Variants in CNTNAP2 observed in about 807,000 individuals in gnomAD.
The protein encoded by CNTNAP2 is contactin associated protein 2, also known as contactin-associated protein-like 2.
In CNTNAP2, 98 loss-of-function variants were observed where a neutral mutation model predicts 155.2. The ratio of observed to expected loss-of-function variants is 0.63; its 90% CI spans 0.54 to 0.75. CNTNAP2 has a LOEUF of 0.75. CNTNAP2 is among the 30% of genes least tolerant of loss of function. CNTNAP2 has a pLI of 0.00. For missense variants in CNTNAP2, 1,727 were observed against 1,688.1 expected (o/e 1.02, Z -0.40); for synonymous variants, 651 against 631.2 (o/e 1.03, Z -0.47).
chr7:147,394,088 G>A (rs1320085956), intron 9 of CNTNAP2, among the ~76,000 whole-genome samples: 1 of 151,980 alleles, frequency 6.6e-6, no homozygotes, highest in African/African-American at 2.4e-5. Context: ...TCATGGGAGA[G>A]ACCCACTGGG....
At chr7:146,750,670 G>T (rs1446963949) in intron 1 of CNTNAP2, among the ~76,000 whole-genome samples, 2 of 152,178 alleles carry the variant, frequency 1.3e-5, no homozygotes, top group Non-Finnish European at 2.9e-5. Context: ...GACCTCAGTA[G>T]TGTCTCATTG....
intron 4 of CNTNAP2, among the ~76,000 whole-genome samples, chr7:147,090,562 C>T (rs545872568): frequency 1.3e-5 from 2 of 151,920 alleles, no homozygotes; most frequent in Non-Finnish European, 2.9e-5. Flanking sequence ...TTTTAATGTT[C>T]TAGAATTAAA....
At chr7:147,044,486 C>G (rs1340158140) in intron 4 of CNTNAP2, among the ~76,000 whole-genome samples, 1 of 152,160 alleles carries the variant, frequency 6.6e-6, no homozygotes, top group South Asian at 2.1e-4. Flanking sequence ...CTAAGTATCT[C>G]TCTTCAGTTA....
rs933703701 is a variant in CNTNAP2, at chr7:146,574,294, A to C, written c.98-199977A>C. Among the ~76,000 whole-genome samples, 6 of 152,308 alleles carry C rather than the reference A, an allele frequency of 3.9e-5. No individual in the cohort carries two copies. In the East Asian group the frequency reaches 9.7e-4, roughly 25 times the overall value. ...TTTTTGTTTTGTTTTATTACCATAC[A>C]CACACGTTCACGCACACATAGAGCA... On this transcript the variant is annotated intron_variant, in intron 1 of 23. Transcript: ENST00000361727.
intron 11 of CNTNAP2, among the ~76,000 whole-genome samples, chr7:147,552,129 C>T (rs1380804795): frequency 6.6e-6 from 1 of 152,138 alleles, no homozygotes; most frequent in African/African-American, 2.4e-5. Flanking sequence ...ATCTAAAAGT[C>T]TTCCCACTGT....
chr7:148,007,832 G>A (rs1329321435), intron 15 of CNTNAP2, among the ~76,000 whole-genome samples: 3 of 152,076 alleles, frequency 2.0e-5, no homozygotes, highest in African/African-American at 7.2e-5. Flanking sequence ...AAAATGTCTA[G>A]GTCTTATGCA....
intron 1 of CNTNAP2, among the ~76,000 whole-genome samples, chr7:146,278,193 A>G (rs1800194414): frequency 6.6e-6 from 1 of 152,172 alleles, no homozygotes; most frequent in African/African-American, 2.4e-5. Flanking sequence ...CTTCAAAGTT[A>G]CTAACTCAAG....
chr7:147,713,744 T>G (rs183650296), intron 13 of CNTNAP2, among the ~76,000 whole-genome samples: 265 of 152,284 alleles, frequency 1.7e-3, no homozygotes, highest in African/African-American at 5.9e-3. Flanking sequence ...TGTAGCGTTT[T>G]GTTTTTAGAC....
At chr7:147,009,405 TAGC>T (rs1169021417) in intron 3 of CNTNAP2, among the ~76,000 whole-genome samples, 1 of 152,152 alleles carries the variant, frequency 6.6e-6, no homozygotes, top group African/African-American at 2.4e-5. Context: ...TATTATATGG[TAGC>T]AGTTTGACAA....
intron 1 of CNTNAP2, among the ~76,000 whole-genome samples, chr7:146,608,581 C>G (rs1243062284): frequency 6.6e-6 from 1 of 151,990 alleles, no homozygotes; most frequent in Non-Finnish European, 1.5e-5. Flanking sequence ...ATGTATTTCT[C>G]CTCATATTTC....
At chr7:147,912,212 G>C (rs1393694184) in intron 14 of CNTNAP2, among the ~76,000 whole-genome samples, 2 of 150,898 alleles carry the variant, frequency 1.3e-5, no homozygotes, top group African/African-American at 2.5e-5. Flanking sequence ...ACTCATAAGG[G>C]AGAAGGCACA....
intron 3 of CNTNAP2, among the ~76,000 whole-genome samples, chr7:146,869,945 T>C (rs1585130526): frequency 6.6e-6 from 1 of 152,202 alleles, no homozygotes; most frequent in East Asian, 1.9e-4. Context: ...CCTTCAATGA[T>C]CAAGTTGACA....
At chr7:146,169,259 C>T (rs1798355569) in intron 1 of CNTNAP2, among the ~76,000 whole-genome samples, 1 of 152,018 alleles carries the variant, frequency 6.6e-6, no homozygotes, top group Non-Finnish European at 1.5e-5. Flanking sequence ...GAATGTAAGC[C>T]ACATATTAGG....
At chr7:146,395,776 AGAT>A (rs199998130) in intron 1 of CNTNAP2, among the ~76,000 whole-genome samples, 17,323 of 68,786 alleles carry the variant, frequency 0.25, 1,105 homozygotes, top group African/African-American at 0.44. Flanking sequence ...CTAGATAGAC[AGAT>A]GATAGATAGA....
intron 1 of CNTNAP2, among the ~76,000 whole-genome samples, chr7:146,551,341 A>G (rs1489813583): frequency 6.6e-6 from 1 of 151,334 alleles, no homozygotes; most frequent in Non-Finnish European, 1.5e-5. Flanking sequence ...TCCTGTGTCC[A>G]TGTGTTCTTA....
At chr7:147,950,247 T>C (rs1183362462) in intron 14 of CNTNAP2, among the ~76,000 whole-genome samples, 6 of 151,488 alleles carry the variant, frequency 4.0e-5, no homozygotes, top group Non-Finnish European at 8.8e-5. Context: ...CCATTAGGAT[T>C]AATGCAATTC....
chr7:146,989,621 C>A (rs1217414335), intron 3 of CNTNAP2, among the ~76,000 whole-genome samples: 2 of 152,040 alleles, frequency 1.3e-5, no homozygotes, highest in African/African-American at 4.8e-5. Flanking sequence ...TCTCTTGCTG[C>A]CCAACCACCA....
chr7:148,103,041 G>A (rs1219715251), intron 15 of CNTNAP2, among the ~76,000 whole-genome samples: 1 of 152,130 alleles, frequency 6.6e-6, no homozygotes, highest in East Asian at 1.9e-4. Context: ...GGGGCTTCCA[G>A]GTCATAGGTA....
chr7:148,179,277 G>C (rs1794994304), intron 18 of CNTNAP2, among the ~76,000 whole-genome samples: 1 of 152,154 alleles, frequency 6.6e-6, no homozygotes, highest in African/African-American at 2.4e-5. Flanking sequence ...GAGAGGCCAA[G>C]GTGGGAAGAT....
Sources: allele counts gnomAD v4.1 joint callset (sites outside exome capture counted in the v4.1 genomes callset), GRCh38; gene constraint gnomAD v4.1.1; transcripts MANE v1.5; gene names NCBI Gene and HGNC (gene_info 2026-07-23, HGNC 2026-07-21).